The following FAT3 variants were observed in gnomAD, a reference collection of about 807,000 sequenced individuals.
FAT3 encodes the protein FAT atypical cadherin 3.
A neutral mutation model predicts 310.2 loss-of-function variants in FAT3; 95 were observed. The ratio of observed to expected loss-of-function variants is 0.31; its 90% CI spans 0.26 to 0.36. The LOEUF (loss-of-function observed/expected upper bound fraction) is 0.36. FAT3 is among the 10% of genes least tolerant of loss of function. The pLI is 1.00. For missense variants in FAT3, 5,408 were observed against 5,715.6 expected, an observed-to-expected ratio of 0.95 and a Z score of 1.74; for synonymous variants, 2,314 against 2,192.9, an observed-to-expected ratio of 1.06 and a Z score of -1.54.
chr11:92,848,472 G>A (rs1948741159), intron 19 of FAT3, among the ~76,000 whole-genome samples: 1 of 152,176 alleles, frequency 6.6e-6, no homozygotes, highest in African/African-American at 2.4e-5. Flanking sequence ...GCAAGAGAAA[G>A]GGGTGTCACG....
chr11:92,227,307 C>T (rs973541182), intron 1 of FAT3, among the ~76,000 whole-genome samples: 2 of 152,198 alleles, frequency 1.3e-5, no homozygotes, highest in Non-Finnish European at 2.9e-5. Context: ...GCAGGCCTAC[C>T]AGTTCATCAC....
chr11:92,736,911 C>T (rs1483143048), intron 4 of FAT3, among the ~76,000 whole-genome samples: 3 of 152,074 alleles, frequency 2.0e-5, no homozygotes, highest in Non-Finnish European at 4.4e-5. Context: ...TCACTGATGT[C>T]TTTAGAAAGC....
chr11:92,840,783 G>A (rs1249976615), intron 18 of FAT3, 24 bp downstream of exon 18: 32 of 1,503,518 alleles, frequency 2.1e-5, no homozygotes, highest in Admixed American at 3.7e-5. Flanking sequence ...CTCTGTCTCC[G>A]TCGTGCTGTC....
intron 4 of FAT3, among the ~76,000 whole-genome samples, chr11:92,724,135 C>T (rs1313207971): frequency 6.6e-6 from 1 of 152,118 alleles, no homozygotes; most frequent in Non-Finnish European, 1.5e-5. Context: ...CAGCTGATCT[C>T]TGCTGGGATT....
At chr11:92,562,110 C>T (rs760064889) in intron 3 of FAT3, among the ~76,000 whole-genome samples, 1 of 152,198 alleles carries the variant, frequency 6.6e-6, no homozygotes, top group Non-Finnish European at 1.5e-5. Flanking sequence ...TCACTAATCC[C>T]TTTCCTGACT....
intron 2 of FAT3, among the ~76,000 whole-genome samples, chr11:92,398,488 G>GT (rs1949935361): frequency 1.7e-5 from 2 of 116,544 alleles, no homozygotes; most frequent in Non-Finnish European, 3.4e-5. Flanking sequence ...GAAAAAGAGT[G>GT]TAACTCCGTC....
At chr11:92,407,308 A>T (rs1347036598) in intron 2 of FAT3, among the ~76,000 whole-genome samples, 1 of 152,112 alleles carries the variant, frequency 6.6e-6, no homozygotes, top group African/African-American at 2.4e-5. Context: ...TAAAGACTGG[A>T]GCTGCAGTAG....
intron 22 of FAT3, among the ~76,000 whole-genome samples, chr11:92,875,571 T>C (rs777805092): frequency 6.6e-5 from 10 of 151,908 alleles, no homozygotes; most frequent in Non-Finnish European, 1.5e-4. Context: ...GTAAACCAGT[T>C]CTCTAAAAAT....
chr11:92,310,765 C>T (rs190482042), intron 1 of FAT3, among the ~76,000 whole-genome samples: 8 of 151,780 alleles, frequency 5.3e-5, no homozygotes, highest in East Asian at 1.9e-4. Flanking sequence ...AAAGTTTCCA[C>T]GACAATATTT....
chr11:92,696,867 TTGTG>T (rs142930880), intron 3 of FAT3, among the ~76,000 whole-genome samples: 36,990 of 151,966 alleles, frequency 0.24, 5,074 homozygotes, highest in Non-Finnish European at 0.31. Flanking sequence ...ATGAAATCTT[TTGTG>T]TGTAAGTTAT....
intron 4 of FAT3, among the ~76,000 whole-genome samples, chr11:92,733,920 G>A (rs192672283): frequency 6.6e-6 from 1 of 152,206 alleles, no homozygotes; most frequent in Admixed American, 6.5e-5. Context: ...AGGAGCTTTA[G>A]TCTGATATTC....
At chr11:92,479,926 C>T (rs1009264872) in intron 2 of FAT3, among the ~76,000 whole-genome samples, 40 of 152,070 alleles carry the variant, frequency 2.6e-4, no homozygotes, top group Admixed American at 1.7e-3. Context: ...TACAGTGCTA[C>T]GGTGGGAATC....
At chr11:92,528,221 C>A (rs549537540) in intron 3 of FAT3, among the ~76,000 whole-genome samples, 28 of 152,138 alleles carry the variant, frequency 1.8e-4, no homozygotes, top group African/African-American at 4.8e-5. Context: ...TTTAGTAATT[C>A]CTGTGGCTTA....
In FAT3 at chr11:92,412,734, T is replaced by TATATATACACAC. The variant is rs1565296384; in HGVS notation, c.3292+57337_3292+57338insCACACATATATA. On this transcript the variant is annotated intron_variant, in intron 2 of 27. Coordinates refer to ENST00000525166, the MANE Select transcript of FAT3 (RefSeq NM_001367949.2). ...ATATATATATATATATATATATATA[T>TATATATACACAC]ATATATATATAAATATACATACATA... Among the ~76,000 whole-genome samples, 35 of 11,882 alleles carry TATATATACACAC rather than the reference T, an allele frequency of 2.9e-3. 3 individuals carry two copies. Among genetic ancestry groups the TATATATACACAC allele is most frequent in the Non-Finnish European group, 5.8e-3 (24 of 4,162 alleles). The allele number at this position is 11,882 out of a possible 152,430, so 7.8% of individuals were successfully genotyped here.
At chr11:92,358,169 G>T (rs4121645) in intron 2 of FAT3, among the ~76,000 whole-genome samples, 54,616 of 151,658 alleles carry the variant, frequency 0.36, 14,187 homozygotes, top group African/African-American at 0.74. Context: ...AGAGTGACAC[G>T]CTGTCTTAAA....
rs140093319 is a variant in FAT3 at position 92,836,598 on chromosome 11, C to T, written c.10119C>T (p.Asn3373=). Residue 3373 remains asparagine, a synonymous_variant, in exon 16 of 28, where the codon AAC becomes AAT. Coordinates refer to ENST00000525166, the MANE Select transcript of FAT3 (RefSeq NM_001367949.2). Reference sequence around the variant, plus strand: ...CAGAAGATGTAGACAGCCAGCCCAACGGACAGATTCATTTTTCCATTGTGA... The same window carrying T: ...CAGAAGATGTAGACAGCCAGCCCAATGGACAGATTCATTTTTCCATTGTGA... ...LIAEDVDSQP[N]GQIHFSIVNG... 8.6e-4 allele frequency: 1,385 copies of T among 1,613,812 alleles called. 1 individual carries two copies. The highest frequency in any genetic ancestry group is 1.1e-3 in the Non-Finnish European group (1,259 of 1,179,804).
chr11:92,346,679 T>C (rs1304051483), intron 1 of FAT3, among the ~76,000 whole-genome samples: 2 of 152,180 alleles, frequency 1.3e-5, no homozygotes, highest in Non-Finnish European at 2.9e-5. Context: ...TGAACTCTTA[T>C]ACTCCCCATT....
At chr11:92,624,674 G>T (rs183158513) in intron 3 of FAT3, among the ~76,000 whole-genome samples, 7 of 152,314 alleles carry the variant, frequency 4.6e-5, no homozygotes, top group Admixed American at 4.6e-4. Flanking sequence ...AGACTGCTGG[G>T]CTGTGGATTT....
intron 2 of FAT3, among the ~76,000 whole-genome samples, chr11:92,478,958 T>TTTTCTTTCTTTCTTTCTTTC (rs1952134548): frequency 8.8e-6 from 1 of 113,658 alleles, no homozygotes; most frequent in Non-Finnish European, 1.8e-5. Flanking sequence ...CTTTCTTTTC[T>TTTTCTTTCTTTCTTTCTTTC]TTTCTTTTCT....
Sources: allele counts gnomAD v4.1 joint callset (sites outside exome capture counted in the v4.1 genomes callset), GRCh38; gene constraint gnomAD v4.1.1; transcripts MANE v1.5; gene names NCBI Gene and HGNC (gene_info 2026-07-23, HGNC 2026-07-21).